TSLP: variants seen among roughly 807,000 people sequenced by gnomAD.
The protein encoded by TSLP is thymic stroma-derived lymphopoietin.
A neutral mutation model predicts 12.4 loss-of-function variants in TSLP; 12 were observed. That is an observed-to-expected ratio of 0.97 (90% CI 0.62 to 1.57). The LOEUF (loss-of-function observed/expected upper bound fraction) is 1.57. TSLP is among the 40% of genes most tolerant of loss of function. The probability of loss-of-function intolerance (pLI) is 0.00; values close to 1 mark genes in which losing one functional copy is unlikely to be tolerated. For missense variants in TSLP, 222 were observed against 189.6 expected (o/e 1.17, Z -1.00); for synonymous variants, 97 against 69.5 (o/e 1.40, Z -1.97).
At position 111,075,996 on chromosome 5, in the gene TSLP, C is replaced by G. The variant is rs11466747; in HGVS notation, c.402C>G (p.Thr134=). 5 of 1,613,888 alleles carry G rather than the reference C, an allele frequency of 3.1e-6. No individual in the cohort carries two copies. The highest frequency in any genetic ancestry group is 2.7e-5 in the African/African-American group (2 of 74,902). ...MKKRRKRKVT[T]NKCLEQVSQL... ...AGAGGAGAAAAAGGAAAGTCACAAC[C>G]AATAAATGTCTGGAACAAGTGTCAC... The change falls in exon 4 of 4, where the codon ACC becomes ACG. Residue 134 remains threonine, a synonymous_variant. Coordinates refer to ENST00000344895, the MANE Select transcript of TSLP (RefSeq NM_033035.5).
At chr5:111,072,956 T>C (rs773884207) in intron 2 of TSLP, 24 bp downstream of exon 2, 1 of 1,613,874 alleles carries the variant, frequency 6.2e-7, no homozygotes, top group South Asian at 1.1e-5. Flanking sequence ...TCAGTGCTGC[T>C]GGCTTTCTCC....
chr5:111,073,964 G>A (rs1282573483), intron 3 of TSLP, among the ~76,000 whole-genome samples: 1 of 152,144 alleles, frequency 6.6e-6, no homozygotes, highest in East Asian at 1.9e-4. Flanking sequence ...TGCTAAAAAT[G>A]CCAATTCCCA....
chr5:111,074,493 G>A (rs1008932192), intron 3 of TSLP, among the ~76,000 whole-genome samples: 6 of 152,264 alleles, frequency 3.9e-5, no homozygotes, highest in Middle Eastern at 3.4e-3. Context: ...ATTTCAGTCA[G>A]CAAGTAGAGG....
At chr5:111,075,552 T>A (rs1298632791) in intron 3 of TSLP, among the ~76,000 whole-genome samples, 2 of 152,238 alleles carry the variant, frequency 1.3e-5, no homozygotes, top group East Asian at 3.8e-4. Flanking sequence ...ATTTACTTAA[T>A]CACTCAACAA....
Position 111,076,234 on chromosome 5 carries a change from G to A in TSLP, c.*160G>A, listed in dbSNP as rs755633541. 5.6e-5 allele frequency: 46 copies of A among 827,180 alleles called. No individual in the cohort carries two copies. Among genetic ancestry groups the A allele is most frequent in the Non-Finnish European group, 8.5e-5 (45 of 530,502 alleles). 51.2% of individuals were successfully genotyped at this position (827,180 alleles called of 1,614,324 possible). On this transcript the variant is annotated 3_prime_UTR_variant, in exon 4 of 4. Coordinates refer to ENST00000344895, the MANE Select transcript of TSLP (RefSeq NM_033035.5). ...ACTTTTGTAAGTTTTTATTGTGTAA[G>A]TTTATAATGCAGGGGAAGTACTACT...
chr5:111,073,710 G>A (rs140872604), intron 3 of TSLP, 65 bp downstream of exon 3: 30 of 1,508,772 alleles, frequency 2.0e-5, no homozygotes, highest in Non-Finnish European at 2.6e-5. Flanking sequence ...CTGGGGCTTT[G>A]GTGCAGAAGT....
At chr5:111,072,760 GA>G in intron 1 of TSLP, 127 bp from the exon 2 acceptor site, 11 of 924,364 alleles carry the variant, frequency 1.2e-5, no homozygotes, top group East Asian at 4.9e-5. Context: ...AATGACATAG[GA>G]AAAAGGTACC....
At chr5:111,074,688 T>C (rs1295183215) in intron 3 of TSLP, among the ~76,000 whole-genome samples, 1 of 146,422 alleles carries the variant, frequency 6.8e-6, no homozygotes, top group African/African-American at 2.6e-5. Flanking sequence ...TGGAATGCAG[T>C]GGCACGATCT....
At chr5:111,075,854 G>A in intron 3 of TSLP, 92 bp from the exon 4 acceptor site, 1 of 1,324,568 alleles carries the variant, frequency 7.5e-7, no homozygotes, top group Non-Finnish European at 1.1e-6. Flanking sequence ...ACTGAAAGAT[G>A]GATTTGCATA....
chr5:111,071,365 A>T (rs1311326953), upstream of TSLP: 11 of 1,392,796 alleles, frequency 7.9e-6, no homozygotes, highest in Non-Finnish European at 1.0e-5. Flanking sequence ...AAGGACTCCA[A>T]ATCCTTACAG....
Position 111,071,867 on chromosome 5 carries a change from T to G in TSLP, c.-24T>G. 6.2e-7 allele frequency: 1 copy of G among 1,608,860 alleles called. No individual in the cohort carries two copies. Among genetic ancestry groups the G allele is most frequent in the Non-Finnish European group, 8.5e-7 (1 of 1,176,004 alleles). On this transcript the variant is annotated 5_prime_UTR_variant, in exon 1 of 4. Coordinates refer to ENST00000344895, the MANE Select transcript of TSLP (RefSeq NM_033035.5). ...TGGTGGGAAGAGTTTAGTGTGAAAC[T>G]GGGGTGGAATTGGGTGTCCACGTAT...
At position 111,071,911 on chromosome 5, in the gene TSLP, A is replaced by C. The variant is rs149732987; in HGVS notation, c.21A>C (p.Leu7=). 3 of 1,614,020 alleles carry C rather than the reference A, an allele frequency of 1.9e-6. No homozygotes were observed. The highest frequency in any genetic ancestry group is 2.5e-6 in the Non-Finnish European group (3 of 1,180,004). ...CACGTATGTTCCCTTTTGCCTTACTATATGTTCTGTCAGTTTCTTTCAGGA... is the reference window on the plus strand; with the variant it reads ...CACGTATGTTCCCTTTTGCCTTACTCTATGTTCTGTCAGTTTCTTTCAGGA... MFPFAL[L]YVLSVSFRKI... The change falls in exon 1 of 4, where the codon CTA becomes CTC. Residue 7 remains leucine (L), a synonymous_variant. Transcript: ENST00000344895.
chr5:111,076,032 A>T lies in TSLP; in HGVS notation c.438A>T (p.Gly146=), dbSNP rs779907677. ...KCLEQVSQLQ[G]LWRRFNRPLL... ...TGGAACAAGTGTCACAATTACAAGGATTGTGGCGTCGCTTCAATCGACCTT... is the reference window on the plus strand; with the variant it reads ...TGGAACAAGTGTCACAATTACAAGGTTTGTGGCGTCGCTTCAATCGACCTT... The change falls in exon 4 of 4, where the codon GGA becomes GGT. Residue 146 remains glycine (G), a synonymous_variant. Transcript: ENST00000344895. The T allele has an allele frequency of 2.5e-6, 4 of 1,614,148 alleles. No homozygotes were observed. Among genetic ancestry groups the T allele is most frequent in the African/African-American group, 1.3e-5 (1 of 75,064 alleles).
chr5:111,074,275 G>A (rs1047997606), intron 3 of TSLP, among the ~76,000 whole-genome samples: 1 of 152,154 alleles, frequency 6.6e-6, no homozygotes, highest in Non-Finnish European at 1.5e-5. Flanking sequence ...CAGGAACTCT[G>A]GAGACAACCT....
Position 111,071,845 on chromosome 5 carries a change from TG to T in TSLP, c.-43del, listed in dbSNP as rs747273846. 6.3e-7 allele frequency: 1 copy of T among 1,594,484 alleles called. No homozygotes were observed. Among genetic ancestry groups the T allele is most frequent in the Non-Finnish European group, 8.6e-7 (1 of 1,166,778 alleles). ...CCTTACAGATCTCTTACACTCGTGG[TG>T]GGAAGAGTTTAGTGTGAAACTGGGG... On this transcript the variant is annotated 5_prime_UTR_variant, in exon 1 of 4. Coordinates refer to ENST00000344895, the MANE Select transcript of TSLP (RefSeq NM_033035.5).
At chr5:111,074,300 C>T (rs1752429975) in intron 3 of TSLP, among the ~76,000 whole-genome samples, 2 of 152,134 alleles carry the variant, frequency 1.3e-5, no homozygotes, top group South Asian at 2.1e-4. Flanking sequence ...GACTTTGAAT[C>T]CTGGCCCTAT....
chr5:111,076,116 T>C lies in TSLP; in HGVS notation c.*42T>C. On this transcript the variant is annotated 3_prime_UTR_variant, in exon 4 of 4. Coordinates refer to ENST00000344895, the MANE Select transcript of TSLP (RefSeq NM_033035.5). ...TCATATTTCACAGCACCAAAATAAA[T>C]CATCTTTATTAAGTAGATGAAACAT... is the stretch of plus-strand genomic sequence containing the variant. 2 of 1,603,180 alleles carry C rather than the reference T, an allele frequency of 1.2e-6. No homozygotes were observed. The highest frequency in any genetic ancestry group is 1.7e-6 in the Non-Finnish European group (2 of 1,172,298).
At chr5:111,075,690 A>T (rs1752484123) in intron 3 of TSLP, among the ~76,000 whole-genome samples, 1 of 152,226 alleles carries the variant, frequency 6.6e-6, no homozygotes, top group Non-Finnish European at 1.5e-5. Flanking sequence ...GTACTGGAAG[A>T]GTTTCCAAAA....
Position 111,073,519 on chromosome 5 carries a change from C to T in TSLP, c.225C>T (p.Cys75=), listed in dbSNP as rs1561691152. The T allele has an allele frequency of 6.2e-7, 1 of 1,614,162 alleles. No individual in the cohort carries two copies. Among genetic ancestry groups the T allele is most frequent in the Middle Eastern group, 1.6e-4 (1 of 6,062 alleles). Residue 75 remains cysteine, a synonymous_variant, in exon 3 of 4, where the codon TGC becomes TGT. Coordinates refer to ENST00000344895, the MANE Select transcript of TSLP (RefSeq NM_033035.5). ...TTGCCGCCTATGAGCAGCCACATTG[C>T]CTTACTGAAATCCAGAGCCTAACCT... ...NTVSCSNRPH[C]LTEIQSLTFN... is the part of the protein sequence containing the mutation.
Sources: allele counts gnomAD v4.1 joint callset (sites outside exome capture counted in the v4.1 genomes callset), GRCh38; gene constraint gnomAD v4.1.1; transcripts MANE v1.5; gene names NCBI Gene and HGNC (gene_info 2026-07-23, HGNC 2026-07-21).